Variants in MROH1 observed in about 807,000 individuals in gnomAD.
The protein encoded by MROH1 is maestro heat like repeat family member 1.
Under a neutral mutation model 116.5 loss-of-function variants are expected in MROH1, and 117 were observed. The ratio of observed to expected loss-of-function variants is 1.00; its 90% confidence interval spans 0.86 to 1.17. The LOEUF (loss-of-function observed/expected upper bound fraction) is 1.17. MROH1 is among the 50% of genes most tolerant of loss of function. MROH1 has a pLI of 0.00. For synonymous variants in MROH1, 921 were observed against 583.9 expected, an observed-to-expected ratio of 1.58 and a Z score of -8.32; for missense variants, 1,873 against 1,338.5, an observed-to-expected ratio of 1.40 and a Z score of -6.23.
At chr8:144,212,953 G>A in intron 12 of MROH1, 1 of 751,992 alleles carries the variant, frequency 1.3e-6, no homozygotes. Flanking sequence ...AATAGAATTG[G>A]ACTATCCCAT....
intron 3 of MROH1, among the ~76,000 whole-genome samples, chr8:144,165,122 C>G (rs1820480452): frequency 1.0e-5 from 1 of 98,192 alleles, no homozygotes; most frequent in South Asian, 5.4e-4. Flanking sequence ...TCACACCCAG[C>G]TAATTTTTTT....
chr8:144,187,904 G>C (rs967211537), intron 7 of MROH1, among the ~76,000 whole-genome samples: 4 of 152,168 alleles, frequency 2.6e-5, no homozygotes, highest in Non-Finnish European at 4.4e-5. Flanking sequence ...GCCAGGTGGG[G>C]GTGTAGGAAG....
intron 12 of MROH1, among the ~76,000 whole-genome samples, chr8:144,210,512 T>C (rs927426972): frequency 3.3e-5 from 5 of 152,064 alleles, no homozygotes; most frequent in South Asian, 2.1e-4. Context: ...GGCAACATGA[T>C]GAAACCCCAT....
chr8:144,193,954 C>T (rs1157639542), intron 10 of MROH1, among the ~76,000 whole-genome samples: 1 of 152,126 alleles, frequency 6.6e-6, no homozygotes, highest in East Asian at 1.9e-4. Flanking sequence ...GCTTAGCTCA[C>T]ATCGCAAGGC....
At chr8:144,170,537 G>T (rs561439132) in intron 4 of MROH1, among the ~76,000 whole-genome samples, 1 of 152,102 alleles carries the variant, frequency 6.6e-6, no homozygotes, top group Non-Finnish European at 1.5e-5. Context: ...TTTGCACTTC[G>T]CTTGATTGCG....
chr8:144,259,462 G>A (rs1422358488), intron 37 of MROH1, 108 bp downstream of exon 37: 2 of 699,884 alleles, frequency 2.9e-6, no homozygotes, highest in African/African-American at 1.7e-5. Context: ...ACCGTGGTCT[G>A]TGAGGGAGGT....
intron 1 of MROH1, among the ~76,000 whole-genome samples, chr8:144,151,985 T>C (rs928829162): frequency 1.6e-4 from 25 of 152,338 alleles, no homozygotes; most frequent in South Asian, 4.1e-4. Context: ...CTCTCTCTCT[T>C]CTGAGAATTC....
intron 3 of MROH1, among the ~76,000 whole-genome samples, chr8:144,164,893 GA>G (rs1325193603): frequency 6.6e-6 from 1 of 152,236 alleles, no homozygotes; most frequent in East Asian, 1.9e-4. Flanking sequence ...CAATGTCTGT[GA>G]GGGCTGTTTT....
chr8:144,220,591 T>A lies in MROH1; in HGVS notation c.1142-9T>A. ...TGGTAGGCTGAGCTGTCCTGTTTGT[T>A]TCTTGCAGCTGCTCAGATGGAAGAT... On this transcript the variant is annotated splice_polypyrimidine_tract_variant and intron_variant, in intron 12 of 43. Transcript: ENST00000326134. 1 of 1,566,078 alleles carries A rather than the reference T, an allele frequency of 6.4e-7. No individual in the cohort carries two copies. Among genetic ancestry groups the A allele is most frequent in the Admixed American group, 1.9e-5 (1 of 52,652 alleles).
chr8:144,261,396 G>C, intron 43 of MROH1, 47 bp downstream of exon 43: 1 of 700,550 alleles, frequency 1.4e-6, no homozygotes, highest in East Asian at 2.7e-5. Context: ...TGCTGACCCT[G>C]TAGGCACCCG....
In MROH1 at chr8:144,200,483, C is replaced by T; in HGVS notation, c.1083C>T (p.Ser361=). The change falls in exon 12 of 44, where the codon AGC becomes AGT. Residue 361 remains serine, a synonymous_variant. Transcript: ENST00000326134. ...TCCTGCTGCCCAGGCTGGACACCAG[C>T]AATGAGAGGACCCGCGTGGGCACCC... The part of the protein sequence containing the change: ...LAFLLPRLDT[S]NERTRVGTLQ... 1.3e-6 allele frequency: 2 copies of T among 1,552,138 alleles called. No individual in the cohort carries two copies. The highest frequency in any genetic ancestry group is 1.7e-6 in the Non-Finnish European group (2 of 1,147,752).
chr8:144,191,541 T>G (rs1828598523), intron 8 of MROH1, among the ~76,000 whole-genome samples, 174 bp from the exon 9 acceptor site: 1 of 152,224 alleles, frequency 6.6e-6, no homozygotes, highest in Non-Finnish European at 1.5e-5. Flanking sequence ...GCATCTGGCT[T>G]GCTGTGGTCT....
Position 144,216,484 on chromosome 8 carries a change from T to G in MROH1, c.1142-4116T>G, listed in dbSNP as rs188332931. Among the ~76,000 whole-genome samples the G allele has an allele frequency of 3.1e-3, 474 of 151,922 alleles. 1 individual carries two copies. Among genetic ancestry groups the G allele is most frequent in the African/African-American group, 5.5e-3 (227 of 41,460 alleles). On this transcript the variant is annotated intron_variant, in intron 12 of 43. Coordinates refer to ENST00000326134, the MANE Select transcript of MROH1 (RefSeq NM_032450.3). ...GCAAGACTCCATCTCAAAAAAATAA[T>G]AAGAAGAAACACAGTGTCCAGTGTC...
intron 4 of MROH1, among the ~76,000 whole-genome samples, chr8:144,179,213 T>C (rs1317555596): frequency 6.6e-6 from 1 of 152,034 alleles, no homozygotes; most frequent in Non-Finnish European, 1.5e-5. Context: ...GCCCCCCGCC[T>C]CGCCCTCTGC....
chr8:144,169,945 T>C (rs369620017), intron 4 of MROH1, among the ~76,000 whole-genome samples: 9 of 152,362 alleles, frequency 5.9e-5, no homozygotes, highest in African/African-American at 2.2e-4. Flanking sequence ...GCAATTCTCC[T>C]GCCTCAGCCT....
In MROH1 at chr8:144,159,853, C is replaced by T. The variant is rs540095641; in HGVS notation, c.-176-1117C>T. 1.7e-4 allele frequency among the ~76,000 whole-genome samples: 26 copies of T among 151,104 alleles called. No individual in the cohort carries two copies. The South Asian group carries it at 5.0e-3, about 29-fold the overall frequency. On this transcript the variant is annotated intron_variant, in intron 1 of 43. Transcript: ENST00000326134. Reference sequence around the variant, plus strand: ...TGCGATCTTGGCTCACTGCAAGCTCCGCCTCCCGGGTTCACGCCATTCTCC... The same window carrying T: ...TGCGATCTTGGCTCACTGCAAGCTCTGCCTCCCGGGTTCACGCCATTCTCC...
At chr8:144,192,842 G>A (rs925183836) in intron 10 of MROH1, 1 of 338,070 alleles carries the variant, frequency 3.0e-6, no homozygotes, top group Non-Finnish European at 5.8e-6. Context: ...AGCAGCTGGG[G>A]CAGCTGGGAC....
At chr8:144,154,235 TA>T (rs1285203138) in intron 1 of MROH1, among the ~76,000 whole-genome samples, 1 of 152,120 alleles carries the variant, frequency 6.6e-6, no homozygotes, top group Non-Finnish European at 1.5e-5. Context: ...GGCTAATTTT[TA>T]AAAATTTTTT....
At chr8:144,190,493 C>T (rs773688893) in intron 7 of MROH1, among the ~76,000 whole-genome samples, 10 of 152,188 alleles carry the variant, frequency 6.6e-5, no homozygotes, top group Non-Finnish European at 1.5e-4. Flanking sequence ...GCATTCCAGC[C>T]TGGGTGACAC....
Sources: allele counts gnomAD v4.1 joint callset (sites outside exome capture counted in the v4.1 genomes callset), GRCh38; gene constraint gnomAD v4.1.1; transcripts MANE v1.5; gene names NCBI Gene and HGNC (gene_info 2026-07-23, HGNC 2026-07-21).